The following ANKS1A variants were observed in gnomAD, a reference collection of about 807,000 sequenced individuals.
The protein encoded by ANKS1A is ankyrin repeat and SAM domain-containing protein 1A.
ANKS1A carries 55 observed loss-of-function variants against 120.3 expected under a neutral mutation model. The observed-to-expected ratio is 0.46, with a 90% confidence interval of 0.37 to 0.57. The LOEUF (loss-of-function observed/expected upper bound fraction) is 0.57. Ranked by LOEUF, ANKS1A falls within the 20% of genes least tolerant of loss-of-function variation. The pLI, the probability that ANKS1A is intolerant of heterozygous loss-of-function variation, is 0.00. For synonymous variants in ANKS1A, 590 were observed against 604.7 expected (o/e 0.98, Z 0.36); for missense variants, 1,123 against 1,480.3 (o/e 0.76, Z 3.96).
chr6:34,920,775 C>T (rs546097281), intron 1 of ANKS1A, among the ~76,000 whole-genome samples: 267 of 152,250 alleles, frequency 1.8e-3, no homozygotes, highest in Admixed American at 3.7e-3. Context: ...CAGAGTCATT[C>T]GGCTCTAACC....
chr6:35,067,885 AATTTTT>A (rs1776858524), intron 13 of ANKS1A, among the ~76,000 whole-genome samples: 8 of 115,836 alleles, frequency 6.9e-5, no homozygotes, highest in Non-Finnish European at 1.1e-4. Flanking sequence ...CTTCATTTTC[AATTTTT>A]TTTTTTTTTT....
chr6:34,955,816 T>C (rs1770334974), intron 1 of ANKS1A, among the ~76,000 whole-genome samples: 1 of 152,234 alleles, frequency 6.6e-6, no homozygotes, highest in Non-Finnish European at 1.5e-5. Context: ...CCTCAGAATT[T>C]TGAAAGCATT....
At chr6:34,980,354 A>T (rs1771841652) in intron 3 of ANKS1A, among the ~76,000 whole-genome samples, 1 of 151,992 alleles carries the variant, frequency 6.6e-6, no homozygotes, top group Non-Finnish European at 1.5e-5. Flanking sequence ...TCATTTAAAA[A>T]TTTTTCTTTG....
At chr6:35,003,387 G>C (rs757081250) in intron 10 of ANKS1A, among the ~76,000 whole-genome samples, 1 of 152,124 alleles carries the variant, frequency 6.6e-6, no homozygotes, top group Non-Finnish European at 1.5e-5. Flanking sequence ...ATTGGCTCTC[G>C]ACTACTTGCT....
rs377067238 is a variant in ANKS1A, at chr6:35,058,658, G to A, written c.2078-1489G>A. On this transcript the variant is annotated intron_variant, in intron 12 of 23. Coordinates refer to ENST00000360359, the MANE Select transcript of ANKS1A (RefSeq NM_015245.3). This position sits in a 1 kb window ranked among gnomAD's most constrained non-coding sequence, Gnocchi z 5.1. ...TGGGAACGGCAGAATGACTTTCACC[G>A]TGTCAGGAGTTCACTGGAGGTGATG... 1.4e-3 allele frequency: 206 copies of A among 152,412 alleles called. No individual in the cohort carries two copies. The highest frequency in any genetic ancestry group is 1.7e-3 in the Non-Finnish European group (115 of 68,070). 9.4% of individuals were successfully genotyped at this position (152,412 alleles called of 1,614,324 possible). A position where few individuals can be genotyped will look rare whatever the true frequency, so the allele number is the denominator to read the frequency against.
In ANKS1A at chr6:34,982,233, T is replaced by C. The variant is rs1362529712; in HGVS notation, c.732+247T>C. Among the ~76,000 whole-genome samples, 2 of 152,256 alleles carry C rather than the reference T, an allele frequency of 1.3e-5. No individual in the cohort carries two copies. Among genetic ancestry groups the C allele is most frequent in the Non-Finnish European group, 2.9e-5 (2 of 68,044 alleles). On this transcript the variant is annotated intron_variant, in intron 4 of 23. Transcript: ENST00000360359. The surrounding 1 kb of genome is among the most constrained non-coding windows in gnomAD (Gnocchi z 4.9). ...ATTAAACCCTGAAAAGATGTGCTTA[T>C]GGACTGGCTCTCAAAACCAGAAAAG...
Position 34,945,991 on chromosome 6 carries a change from T to A in ANKS1A, c.198-21248T>A, listed in dbSNP as rs141320425. Among the ~76,000 whole-genome samples, 701 of 149,300 alleles carry A rather than the reference T, an allele frequency of 4.7e-3. 7 individuals are homozygous for A. Among genetic ancestry groups the A allele is most frequent in the African/African-American group, 0.015 (631 of 41,228 alleles). On this transcript the variant is annotated intron_variant, in intron 1 of 23. Coordinates refer to ENST00000360359, the MANE Select transcript of ANKS1A (RefSeq NM_015245.3). ...TATTTTTATTTTTATTTATTTTTTT[T>A]TTTTTTTGAGACAGAGTCTCACTCT...
chr6:34,944,064 G>T (rs1443950325), intron 1 of ANKS1A, among the ~76,000 whole-genome samples: 1 of 152,192 alleles, frequency 6.6e-6, no homozygotes, highest in Non-Finnish European at 1.5e-5. Flanking sequence ...ATGAGGTCAG[G>T]AGATCGAGAC....
At chr6:34,926,631 A>G (rs1768731859) in intron 1 of ANKS1A, among the ~76,000 whole-genome samples, 1 of 152,114 alleles carries the variant, frequency 6.6e-6, no homozygotes, top group Non-Finnish European at 1.5e-5. Flanking sequence ...AGATTTTTAT[A>G]TTGGAACACT....
chr6:35,077,182 C>T (rs560476064), intron 13 of ANKS1A, among the ~76,000 whole-genome samples: 2 of 152,284 alleles, frequency 1.3e-5, no homozygotes, highest in East Asian at 1.9e-4. Context: ...TGTTAAGGCA[C>T]GCACCCTTGA....
At chr6:34,983,787 TA>T (rs1428197111) in intron 7 of ANKS1A, among the ~76,000 whole-genome samples, 1 of 147,530 alleles carries the variant, frequency 6.8e-6, no homozygotes, top group East Asian at 2.0e-4. Context: ...TGACGAGTAA[TA>T]AATTTTTTTT....
rs1381157951 is a variant in ANKS1A at position 35,058,972 on chromosome 6, A to G, written c.2078-1175A>G. Among the ~76,000 whole-genome samples the G allele has an allele frequency of 1.3e-5, 2 of 152,238 alleles. No homozygotes were observed. The highest frequency in any genetic ancestry group is 2.4e-5 in the African/African-American group (1 of 41,466). The stretch of plus-strand genomic sequence containing the variant: ...CCCTGGGACGACTGTGGCTGTCTTT[A>G]TCACTCAGCCAAAGAGAGAACAGCG... On this transcript the variant is annotated intron_variant, in intron 12 of 23. Transcript: ENST00000360359. This position sits in a 1 kb window ranked among gnomAD's most constrained non-coding sequence, Gnocchi z 5.1.
At position 34,991,715 on chromosome 6, in the gene ANKS1A, TATATATACATATATACAC is replaced by T. The variant is rs1267114689; in HGVS notation, c.1302+2407_1302+2424del. Reference sequence around the variant, plus strand: ...ACACATATATATACATATATACACATATATATACATATATACACATATATATACATATATACACACATA... The same window carrying T: ...ACACATATATATACATATATACACATATATATATACATATATACACACATA... On this transcript the variant is annotated intron_variant, in intron 9 of 23. Transcript: ENST00000360359. Among the ~76,000 whole-genome samples the T allele has an allele frequency of 4.7e-4, 41 of 86,676 alleles. 1 individual carries two copies. Among genetic ancestry groups the T allele is most frequent in the African/African-American group, 2.2e-4 (5 of 22,858 alleles). The allele number at this position is 86,676 out of a possible 152,430, so 56.9% of individuals were successfully genotyped here.
At position 35,067,228 on chromosome 6, in the gene ANKS1A, C is replaced by T. The variant is rs189708510; in HGVS notation, c.2184+6975C>T. Among the ~76,000 whole-genome samples the T allele has an allele frequency of 5.2e-3, 787 of 152,262 alleles. 2 individuals carry two copies. The highest frequency in any genetic ancestry group is 8.4e-3 in the Non-Finnish European group (573 of 68,026). ...CCTCTTTGCTTTCTGTCCCCTCTCC[C>T]GATGGTTCTTCCTGCCCCCACCCCC... is the stretch of plus-strand genomic sequence containing the variant. On this transcript the variant is annotated intron_variant, in intron 13 of 23. Coordinates refer to ENST00000360359, the MANE Select transcript of ANKS1A (RefSeq NM_015245.3).
At chr6:35,062,495 C>T (rs1173831992) in intron 13 of ANKS1A, among the ~76,000 whole-genome samples, 1 of 152,220 alleles carries the variant, frequency 6.6e-6, no homozygotes, top group Non-Finnish European at 1.5e-5. Flanking sequence ...CAATAGGCTA[C>T]AATGTTTCCC....
intron 12 of ANKS1A, among the ~76,000 whole-genome samples, chr6:35,054,557 C>T (rs1415138765): frequency 6.6e-6 from 1 of 152,204 alleles, no homozygotes; most frequent in East Asian, 1.9e-4. Flanking sequence ...GGTGGCGGAG[C>T]ACTGGGTTAG....
intron 8 of ANKS1A, among the ~76,000 whole-genome samples, chr6:34,985,562 T>C (rs1772152892): frequency 6.6e-6 from 1 of 152,242 alleles, no homozygotes; most frequent in African/African-American, 2.4e-5. Context: ...ATTAAACATC[T>C]TATTTCTATT....
chr6:35,081,437 C>T (rs1460156361), intron 17 of ANKS1A, among the ~76,000 whole-genome samples: 1 of 152,172 alleles, frequency 6.6e-6, no homozygotes, highest in Non-Finnish European at 1.5e-5. Flanking sequence ...GTTCAGATCC[C>T]CTGTCCGCTC....
At chr6:34,892,612 T>G (rs1351780312) in intron 1 of ANKS1A, among the ~76,000 whole-genome samples, 2 of 152,214 alleles carry the variant, frequency 1.3e-5, no homozygotes, top group African/African-American at 4.8e-5. Context: ...GGCTTTGTGT[T>G]TATTCTTAAG....
Sources: allele counts gnomAD v4.1 joint callset (sites outside exome capture counted in the v4.1 genomes callset), GRCh38; gene constraint gnomAD v4.1.1; non-coding constraint Gnocchi (gnomAD v3.1); transcripts MANE v1.5; gene names NCBI Gene and HGNC (gene_info 2026-07-23, HGNC 2026-07-21).